The following FTO variants were observed in gnomAD, a reference collection of about 807,000 sequenced individuals.
FTO encodes alpha-ketoglutarate-dependent dioxygenase FTO.
FTO carries 47 observed loss-of-function variants against 63.9 expected under a neutral mutation model. The observed-to-expected ratio is 0.74, with a 90% CI of 0.58 to 0.94. The LOEUF is 0.94. Ranked by LOEUF, FTO falls within the 40% of genes least tolerant of loss-of-function variation. The pLI, the probability that FTO is intolerant of heterozygous loss-of-function variation, is 0.00. For synonymous variants in FTO, 207 were observed against 224.4 expected, an observed-to-expected ratio of 0.92 and a Z score of 0.69; for missense variants, 562 against 618.1, an observed-to-expected ratio of 0.91 and a Z score of 0.96.
intron 8 of FTO, among the ~76,000 whole-genome samples, chr16:53,954,439 G>T (rs551266130): frequency 1.3e-5 from 2 of 152,168 alleles, no homozygotes; most frequent in South Asian, 2.1e-4. Context: ...GGCAGATGGC[G>T]TACCTTGACT....
Position 53,826,739 on chromosome 16 carries a change from C to T in FTO, c.751+248C>T, listed in dbSNP as rs1199256110. On this transcript the variant is annotated intron_variant, in intron 3 of 8. Coordinates refer to ENST00000471389, the MANE Select transcript of FTO (RefSeq NM_001080432.3). ...TGTTATACTGTACTCAGAATATTTT[C>T]GCACGTAAGCACTGCTGTCATTTGT... Among the ~76,000 whole-genome samples the T allele has an allele frequency of 5.3e-5, 8 of 152,156 alleles. No homozygotes were observed. In the South Asian group the frequency reaches 6.2e-4, roughly 12 times the overall value.
chr16:53,745,197 G>T (rs911585680), intron 1 of FTO, among the ~76,000 whole-genome samples: 6 of 152,278 alleles, frequency 3.9e-5, no homozygotes, highest in African/African-American at 1.4e-4. Context: ...ATCTGCTGGT[G>T]GTATCTAGTG....
chr16:54,003,979 T>A (rs2084133421), intron 8 of FTO, among the ~76,000 whole-genome samples: 1 of 152,162 alleles, frequency 6.6e-6, no homozygotes, highest in Non-Finnish European at 1.5e-5. Flanking sequence ...TAAGGTAAAA[T>A]AAGATTATCT....
intron 8 of FTO, among the ~76,000 whole-genome samples, chr16:54,020,088 A>C (rs1396348584): frequency 6.6e-6 from 1 of 152,242 alleles, no homozygotes; most frequent in African/African-American, 2.4e-5. Context: ...TAAAATAATA[A>C]ATAAACAATA....
chr16:54,096,593 A>G (rs1567569457), intron 8 of FTO, among the ~76,000 whole-genome samples: 2 of 152,228 alleles, frequency 1.3e-5, no homozygotes, highest in South Asian at 2.1e-4. Context: ...CGCTCAGAGG[A>G]TTAGAACTTG....
At chr16:54,109,384 G>A (rs144421759) in intron 8 of FTO, among the ~76,000 whole-genome samples, 2,247 of 152,254 alleles carry the variant, frequency 0.015, 66 homozygotes, top group African/African-American at 0.052. Flanking sequence ...AGGCTGGAGT[G>A]CAGTAGCACA....
chr16:53,957,933 T>C (rs894918211), intron 8 of FTO, among the ~76,000 whole-genome samples: 1 of 152,282 alleles, frequency 6.6e-6, no homozygotes, highest in Non-Finnish European at 1.5e-5. Context: ...GGGGGAATCC[T>C]ATCTTCTATT....
chr16:53,846,194 ATC>A (rs2079615720), intron 4 of FTO, among the ~76,000 whole-genome samples: 1 of 151,882 alleles, frequency 6.6e-6, no homozygotes, highest in South Asian at 2.1e-4. Flanking sequence ...ATATACTGAA[ATC>A]TCTATGTGGG....
intron 8 of FTO, among the ~76,000 whole-genome samples, chr16:54,079,655 A>G (rs2086091449): frequency 6.6e-6 from 1 of 152,240 alleles, no homozygotes; most frequent in Admixed American, 6.5e-5. Context: ...AGCCCAATAG[A>G]CCGAATAGGA....
intron 7 of FTO, among the ~76,000 whole-genome samples, chr16:53,910,619 C>T (rs1031601451): frequency 2.0e-5 from 3 of 152,112 alleles, no homozygotes; most frequent in Non-Finnish European, 4.4e-5. Flanking sequence ...TCACTGCAAC[C>T]TCCGCCTCCC....
chr16:54,063,686 ACT>A (rs1491039481), intron 8 of FTO: 1 of 143,924 alleles, frequency 6.9e-6, no homozygotes, highest in Admixed American at 6.8e-5. Context: ...GCCATTTAGA[ACT>A]CTTTTCTTTT....
chr16:53,839,116 C>G (rs1334286987), intron 3 of FTO, among the ~76,000 whole-genome samples: 1 of 152,106 alleles, frequency 6.6e-6, no homozygotes, highest in African/African-American at 2.4e-5. Context: ...TGGCATAAAA[C>G]ATTGAATGGG....
chr16:53,898,011 A>T (rs564986993), intron 7 of FTO, among the ~76,000 whole-genome samples: 1 of 152,184 alleles, frequency 6.6e-6, no homozygotes, highest in South Asian at 2.1e-4. Flanking sequence ...CATCGTTTAT[A>T]AAATAGCCTC....
chr16:53,804,529 A>G (rs2078305974), intron 1 of FTO, among the ~76,000 whole-genome samples: 1 of 152,174 alleles, frequency 6.6e-6, no homozygotes, highest in Non-Finnish European at 1.5e-5. Context: ...AAGGAATGCT[A>G]AATTTGTTGA....
chr16:54,085,808 A>G (rs576880237), intron 8 of FTO, among the ~76,000 whole-genome samples: 4 of 152,288 alleles, frequency 2.6e-5, no homozygotes, highest in Admixed American at 1.3e-4. Flanking sequence ...GTTGTTGGTT[A>G]TTCACCGCAC....
chr16:53,963,463 A>C (rs2083127561), intron 8 of FTO, among the ~76,000 whole-genome samples: 1 of 152,184 alleles, frequency 6.6e-6, no homozygotes, highest in Non-Finnish European at 1.5e-5. Context: ...TGTAATCCCC[A>C]GTGTTGGAGG....
chr16:53,878,981 C>A (rs1053108403), intron 5 of FTO, among the ~76,000 whole-genome samples: 26 of 152,168 alleles, frequency 1.7e-4, no homozygotes, highest in African/African-American at 6.3e-4. Context: ...GAAATGAGTT[C>A]TTTGCCTTGT....
intron 8 of FTO, among the ~76,000 whole-genome samples, chr16:54,011,183 A>G (rs1185815089): frequency 1.3e-5 from 2 of 152,204 alleles, no homozygotes; most frequent in Non-Finnish European, 2.9e-5. Flanking sequence ...TGATACACAG[A>G]CTCAGAGAAA....
At chr16:53,704,077 A>C, upstream of FTO, 1 of 1,164,570 alleles carries the variant, frequency 8.6e-7, no homozygotes, top group Admixed American at 2.0e-5. Flanking sequence ...TCAGAGGGAG[A>C]ATAGCTCCAG....
Sources: gnomAD v4.1 joint callset for allele counts (sites outside exome capture counted in the v4.1 genomes callset) on GRCh38, gnomAD v4.1.1 for gene constraint, MANE v1.5 for transcripts, NCBI Gene and HGNC (gene_info 2026-07-23, HGNC 2026-07-21) for gene names.